ASB18: variants seen among roughly 807,000 people sequenced by gnomAD.
ASB18 encodes ankyrin repeat and SOCS box containing 18.
ASB18 carries 33 observed loss-of-function variants against 33.4 expected under a neutral mutation model. That is an observed-to-expected ratio of 0.99 (90% CI 0.75 to 1.32). The LOEUF is 1.32. Ranked by LOEUF, ASB18 falls within the 40% of genes most tolerant of loss-of-function variation. The pLI, the probability that ASB18 is intolerant of heterozygous loss-of-function variation, is 0.00. For synonymous variants in ASB18, 295 were observed against 307.6 expected (o/e 0.96, Z 0.43); for missense variants, 694 against 655.5 (o/e 1.06, Z -0.64).
At chr2:236,242,515 A>G (rs980237755) in intron 1 of ASB18, among the ~76,000 whole-genome samples, 1 of 152,000 alleles carries the variant, frequency 6.6e-6, no homozygotes, top group Non-Finnish European at 1.5e-5. Context: ...GAAGAATAAT[A>G]TTTCATGATA....
chr2:236,230,568 A>G (rs1489038858), intron 3 of ASB18, among the ~76,000 whole-genome samples: 1 of 151,968 alleles, frequency 6.6e-6, no homozygotes, highest in Non-Finnish European at 1.5e-5. Context: ...TATATTACCA[A>G]TAATAGCACA....
chr2:236,261,211 CAT>C (rs2060715475), intron 1 of ASB18, among the ~76,000 whole-genome samples: 1 of 152,174 alleles, frequency 6.6e-6, no homozygotes, highest in African/African-American at 2.4e-5. Flanking sequence ...GGTGGTGTGA[CAT>C]GTGCAAGGTC....
chr2:236,206,986 G>A (rs2060437305), intron 4 of ASB18, among the ~76,000 whole-genome samples: 2 of 152,186 alleles, frequency 1.3e-5, no homozygotes, highest in South Asian at 4.1e-4. Context: ...GACGATGCAG[G>A]TGCTGCTGGT....
Position 236,255,388 on chromosome 2 carries a change from C to T in ASB18, c.205+8753G>A, listed in dbSNP as rs1207552294. Among the ~76,000 whole-genome samples, 1 of 152,168 alleles carries T rather than the reference C, an allele frequency of 6.6e-6. No individual in the cohort carries two copies. The highest frequency in any genetic ancestry group is 1.5e-5 in the Non-Finnish European group (1 of 68,036). ...TGAACTCCTGACCTCAGGTGATCTG[C>T]CCCCCTCGGCCTATCAAAGTGCTGG... On this transcript the variant is annotated intron_variant, in intron 1 of 5. Transcript: ENST00000409749. The surrounding 1 kb of genome is among the most constrained non-coding windows in gnomAD (Gnocchi z 4.4).
At chr2:236,199,559 G>T (rs1350989372) in intron 4 of ASB18, among the ~76,000 whole-genome samples, 3 of 149,636 alleles carry the variant, frequency 2.0e-5, no homozygotes, top group South Asian at 2.1e-4. Flanking sequence ...ATCAGAGAGG[G>T]ATATATATGC....
In ASB18 at chr2:236,239,140, G is replaced by A. The variant is rs2060609862; in HGVS notation, c.329-1184C>T. On this transcript the variant is annotated intron_variant, in intron 2 of 5. Coordinates refer to ENST00000409749, the MANE Select transcript of ASB18 (RefSeq NM_212556.4). The surrounding 1 kb of genome is among the most constrained non-coding windows in gnomAD (Gnocchi z 5.6). ...GTCGGATCTGGAGGGGGTGATGGATGTAGTCTATCTACATTGTTATCCCCG... is the reference window on the plus strand; with the variant it reads ...GTCGGATCTGGAGGGGGTGATGGATATAGTCTATCTACATTGTTATCCCCG... Among the ~76,000 whole-genome samples the A allele has an allele frequency of 6.6e-6, 1 of 152,218 alleles. No individual in the cohort carries two copies. Among genetic ancestry groups the A allele is most frequent in the Non-Finnish European group, 1.5e-5 (1 of 68,034 alleles).
In ASB18 at chr2:236,226,379, CA is replaced by C. The variant is rs2060537944; in HGVS notation, c.596+11309del. Among the ~76,000 whole-genome samples, 1 of 151,226 alleles carries C rather than the reference CA, an allele frequency of 6.6e-6. No individual in the cohort carries two copies. Among genetic ancestry groups the C allele is most frequent in the African/African-American group, 2.4e-5 (1 of 41,074 alleles). On this transcript the variant is annotated intron_variant, in intron 3 of 5. Transcript: ENST00000409749. This position sits in a 1 kb window ranked among gnomAD's most constrained non-coding sequence, Gnocchi z 4.8. ...AGTCAAGAGTGTCAAATTAAACAGC[CA>C]AAGGGAAAGACTCCCATAGAGCGAC... is the stretch of plus-strand genomic sequence containing the variant.
intron 3 of ASB18, among the ~76,000 whole-genome samples, chr2:236,224,408 A>G (rs1009379861): frequency 1.3e-5 from 2 of 152,074 alleles, no homozygotes; most frequent in African/African-American, 2.4e-5. Context: ...GGATATTAAA[A>G]TGGGACTTGC....
intron 3 of ASB18, among the ~76,000 whole-genome samples, chr2:236,218,860 T>C (rs1267622788): frequency 6.6e-6 from 1 of 151,730 alleles, no homozygotes; most frequent in Non-Finnish European, 1.5e-5. Flanking sequence ...TTAATTGATT[T>C]TAATTTTAAT....
rs756928182 is a variant in ASB18, at chr2:236,241,248, A to T, written c.328+32T>A. 6.2e-7 allele frequency: 1 copy of T among 1,611,594 alleles called. No individual in the cohort carries two copies. The highest frequency in any genetic ancestry group is 8.5e-7 in the Non-Finnish European group (1 of 1,178,136). On this transcript the variant is annotated intron_variant, in intron 2 of 5. Transcript: ENST00000409749. The surrounding 1 kb of genome is among the most constrained non-coding windows in gnomAD (Gnocchi z 4.2). ...AGAGAGTATTAGTAGCCCCTTAAAA[A>T]TAAATGACTGAGCTTTAAAGAACAA...
rs746815645 is a variant in ASB18, at chr2:236,241,628, G to A, written c.206-226C>T. 3.9e-5 allele frequency: 25 copies of A among 642,684 alleles called. No individual in the cohort carries two copies. Among genetic ancestry groups the A allele is most frequent in the Admixed American group, 7.2e-5 (3 of 41,830 alleles). The allele number at this position is 642,684 out of a possible 1,614,324, so 39.8% of individuals were successfully genotyped here. On this transcript the variant is annotated intron_variant, in intron 1 of 5. Transcript: ENST00000409749. This position sits in a 1 kb window ranked among gnomAD's most constrained non-coding sequence, Gnocchi z 4.2. ...CTCAATTGTCATCCAGTTGGGGCTC[G>A]ATGGTGGTATATTTATAACTCCTGT... is the stretch of plus-strand genomic sequence containing the variant.
At chr2:236,206,556 T>C (rs1216252992) in intron 4 of ASB18, among the ~76,000 whole-genome samples, 1 of 152,184 alleles carries the variant, frequency 6.6e-6, no homozygotes, top group African/African-American at 2.4e-5. Context: ...AAACAACCAA[T>C]TCTGAAGCCT....
intron 1 of ASB18, among the ~76,000 whole-genome samples, chr2:236,254,541 C>T (rs1324047965): frequency 6.6e-6 from 1 of 151,502 alleles, no homozygotes; most frequent in African/African-American, 2.4e-5. Flanking sequence ...CATATTTTTC[C>T]ACCCTGTTAT....
In ASB18 at chr2:236,224,238, G is replaced by A. The variant is rs537139447; in HGVS notation, c.597-9372C>T. Reference sequence around the variant, plus strand: ...TTAGCCATTCTAATGCATGTGAAATGGTGAATATTTATTTGTGGTCTCATT... The same window carrying A: ...TTAGCCATTCTAATGCATGTGAAATAGTGAATATTTATTTGTGGTCTCATT... On this transcript the variant is annotated intron_variant, in intron 3 of 5. Transcript: ENST00000409749. Among the ~76,000 whole-genome samples, 7 of 133,886 alleles carry A rather than the reference G, an allele frequency of 5.2e-5. No homozygotes were observed. In the East Asian group the frequency reaches 1.1e-3, roughly 22 times the overall value. The allele number at this position is 133,886 out of a possible 152,430, so 87.8% of individuals were successfully genotyped here.
chr2:236,203,413 G>C lies in ASB18; in HGVS notation c.1102-7028C>G, dbSNP rs149514135. The stretch of plus-strand genomic sequence containing the variant: ...AGGTGAGAAGGAGCAAATAATGTTG[G>C]CTGGGGCATGAGTCTGACATGGGGA... On this transcript the variant is annotated intron_variant, in intron 4 of 5. Transcript: ENST00000409749. The surrounding 1 kb of genome is among the most constrained non-coding windows in gnomAD (Gnocchi z 6.0). 6.6e-6 allele frequency among the ~76,000 whole-genome samples: 1 copy of C among 152,284 alleles called. No individual in the cohort carries two copies. The highest frequency in any genetic ancestry group is 6.5e-5 in the Admixed American group (1 of 15,294).
rs937793676 is a variant in ASB18 at position 236,211,904 on chromosome 2, G to A, written c.1101+2458C>T. On this transcript the variant is annotated intron_variant, in intron 4 of 5. Transcript: ENST00000409749. The surrounding 1 kb of genome is among the most constrained non-coding windows in gnomAD (Gnocchi z 5.0). ...ACTGGAGGTGTGGGGGAATCCCAGT[G>A]CAAAAAGGTGGAATCCTTATTTCCA... Among the ~76,000 whole-genome samples, 17 of 152,104 alleles carry A rather than the reference G, an allele frequency of 1.1e-4. No individual in the cohort carries two copies. The highest frequency in any genetic ancestry group is 3.4e-4 in the African/African-American group (14 of 41,432).
rs998633312 is a variant in ASB18 at position 236,241,826 on chromosome 2, AT to A, written c.206-425del. Among the ~76,000 whole-genome samples the A allele has an allele frequency of 6.6e-6, 1 of 152,186 alleles. No homozygotes were observed. The highest frequency in any genetic ancestry group is 1.5e-5 in the Non-Finnish European group (1 of 68,026). The stretch of plus-strand genomic sequence containing the variant: ...CACCGAGGGCAGACTCCCAGCACAC[AT>A]TTAATTGTGATGGACTCATTTATCC... On this transcript the variant is annotated intron_variant, in intron 1 of 5. Coordinates refer to ENST00000409749, the MANE Select transcript of ASB18 (RefSeq NM_212556.4). This position sits in a 1 kb window ranked among gnomAD's most constrained non-coding sequence, Gnocchi z 4.2.
In ASB18 at chr2:236,237,572, G is replaced by T; in HGVS notation, c.596+117C>A. On this transcript the variant is annotated intron_variant, in intron 3 of 5. Coordinates refer to ENST00000409749, the MANE Select transcript of ASB18 (RefSeq NM_212556.4). The surrounding 1 kb of genome is among the most constrained non-coding windows in gnomAD (Gnocchi z 6.2). ...GGCAGAGTCAAGGGTGCAGGGTCTG[G>T]GTCCGGAGGCGGGGGCTGGGACGGA... 2 of 824,490 alleles carry T rather than the reference G, an allele frequency of 2.4e-6. No individual in the cohort carries two copies. Among genetic ancestry groups the T allele is most frequent in the Non-Finnish European group, 3.4e-6 (2 of 590,958 alleles). The allele number at this position is 824,490 out of a possible 1,614,324, so 51.1% of individuals were successfully genotyped here.
At chr2:236,218,906 A>G (rs1274672013) in intron 3 of ASB18, among the ~76,000 whole-genome samples, 1 of 150,978 alleles carries the variant, frequency 6.6e-6, no homozygotes, top group East Asian at 1.9e-4. Context: ...GTCTTGCTCT[A>G]TCATCTAGCC....
Sources: allele counts gnomAD v4.1 joint callset (sites outside exome capture counted in the v4.1 genomes callset), GRCh38; gene constraint gnomAD v4.1.1; non-coding constraint Gnocchi (gnomAD v3.1); transcripts MANE v1.5; gene names NCBI Gene and HGNC (gene_info 2026-07-23, HGNC 2026-07-21).